The following CNTNAP4 variants were observed in gnomAD, a reference collection of about 807,000 sequenced individuals.
The protein encoded by CNTNAP4 is contactin-associated protein-like 4.
Under a neutral mutation model 148.4 loss-of-function variants are expected in CNTNAP4, and 98 were observed. The observed-to-expected ratio is 0.66, with a 90% confidence interval of 0.56 to 0.78. The LOEUF is 0.78. Ranked by LOEUF, CNTNAP4 falls within the 30% of genes least tolerant of loss-of-function variation. The probability of loss-of-function intolerance (pLI) is 0.00; values close to 1 mark genes in which losing one functional copy is unlikely to be tolerated. For missense variants in CNTNAP4, 1,935 were observed against 1,565.6 expected, an observed-to-expected ratio of 1.24 and a Z score of -3.98; for synonymous variants, 730 against 565.1, an observed-to-expected ratio of 1.29 and a Z score of -4.14.
At chr16:76,449,024 A>G in intron 6 of CNTNAP4, 73 bp downstream of exon 6, 1 of 1,381,232 alleles carries the variant, frequency 7.2e-7, no homozygotes, top group Non-Finnish European at 1.0e-6. Context: ...AGGAAAATAC[A>G]CTATAAAGAG....
chr16:76,404,944 C>G (rs1473430287), intron 3 of CNTNAP4, among the ~76,000 whole-genome samples: 1 of 152,050 alleles, frequency 6.6e-6, no homozygotes, highest in Non-Finnish European at 1.5e-5. Context: ...TTAACTCTTT[C>G]TACAATGTAT....
intron 2 of CNTNAP4, among the ~76,000 whole-genome samples, chr16:76,318,067 G>C (rs1961994115): frequency 1.3e-5 from 2 of 152,114 alleles, no homozygotes; most frequent in African/African-American, 4.8e-5. Context: ...GACCCATCAG[G>C]GGACTTTCCT....
chr16:76,375,283 G>T (rs568316000), intron 3 of CNTNAP4, among the ~76,000 whole-genome samples: 3 of 152,040 alleles, frequency 2.0e-5, no homozygotes, highest in Non-Finnish European at 2.9e-5. Flanking sequence ...TCAGCCAGGC[G>T]TGGTGGCATG....
At chr16:76,441,187 C>G (rs955308804) in intron 4 of CNTNAP4, among the ~76,000 whole-genome samples, 2 of 151,948 alleles carry the variant, frequency 1.3e-5, no homozygotes, top group African/African-American at 2.4e-5. Flanking sequence ...GTGTGTCTTC[C>G]CCAATTGACT....
intron 3 of CNTNAP4, among the ~76,000 whole-genome samples, chr16:76,383,295 CAG>C (rs2016175277): frequency 6.7e-6 from 1 of 148,736 alleles, no homozygotes; most frequent in Non-Finnish European, 1.5e-5. Flanking sequence ...CACATTGAAA[CAG>C]AGACAACAAG....
intron 1 of CNTNAP4, among the ~76,000 whole-genome samples, chr16:76,291,697 C>G (rs1443972416): frequency 6.6e-6 from 1 of 152,162 alleles, no homozygotes; most frequent in African/African-American, 2.4e-5. Flanking sequence ...ACATTCTATG[C>G]TTAGTCAAAA....
Position 76,300,509 on chromosome 16 carries a change from G to A in CNTNAP4, c.86-15904G>A, listed in dbSNP as rs964644269. Reference sequence around the variant, plus strand: ...ACGTGTATACCTATGCAACAAACCTGCACGTTTTGCACATGTATCCCAGAA... The same window carrying A: ...ACGTGTATACCTATGCAACAAACCTACACGTTTTGCACATGTATCCCAGAA... On this transcript the variant is annotated intron_variant, in intron 1 of 23. Transcript: ENST00000611870. Among the ~76,000 whole-genome samples, 5 of 152,244 alleles carry A rather than the reference G, an allele frequency of 3.3e-5. No individual in the cohort carries two copies. The East Asian group carries it at 9.7e-4, about 29-fold the overall frequency.
intron 15 of CNTNAP4, among the ~76,000 whole-genome samples, chr16:76,506,896 C>G (rs1384665275): frequency 1.0e-5 from 1 of 96,628 alleles, no homozygotes; most frequent in Non-Finnish European, 2.9e-5. Context: ...TGCTACCATT[C>G]TGTGAGGAGG....
At chr16:76,370,696 C>T (rs990846786) in intron 3 of CNTNAP4, among the ~76,000 whole-genome samples, 2 of 152,170 alleles carry the variant, frequency 1.3e-5, no homozygotes, top group Non-Finnish European at 2.9e-5. Flanking sequence ...TTACTAACGA[C>T]AAATTGCCTC....
intron 4 of CNTNAP4, among the ~76,000 whole-genome samples, chr16:76,438,457 G>GT (rs1045503936): frequency 6.6e-6 from 1 of 152,094 alleles, no homozygotes; most frequent in Non-Finnish European, 1.5e-5. Flanking sequence ...GAATAGAGAT[G>GT]TTTTTTAAAA....
chr16:76,461,301 C>A, intron 8 of CNTNAP4, among the ~76,000 whole-genome samples: 1 of 152,090 alleles, frequency 6.6e-6, no homozygotes, highest in Non-Finnish European at 1.5e-5. Context: ...GTGGACAGGG[C>A]CGCTTAAGGT....
intron 21 of CNTNAP4, among the ~76,000 whole-genome samples, chr16:76,545,895 C>T (rs1299003991): frequency 6.6e-6 from 1 of 151,868 alleles, no homozygotes; most frequent in Non-Finnish European, 1.5e-5. Context: ...ATTAGCCGGG[C>T]GTGGTAGCAT....
chr16:76,434,286 G>A, intron 4 of CNTNAP4, among the ~76,000 whole-genome samples: 1 of 152,134 alleles, frequency 6.6e-6, no homozygotes, highest in Non-Finnish European at 1.5e-5. Context: ...CAAAGCTGGA[G>A]AGTTTGATAT....
chr16:76,320,652 A>G (rs16944208), intron 2 of CNTNAP4, among the ~76,000 whole-genome samples: 2 of 152,172 alleles, frequency 1.3e-5, no homozygotes, highest in Non-Finnish European at 2.9e-5. Flanking sequence ...TTAAGTGTAC[A>G]TTGACTCTTA....
At chr16:76,448,636 C>G in intron 5 of CNTNAP4, 131 bp from the exon 6 acceptor site, 1 of 620,642 alleles carries the variant, frequency 1.6e-6, no homozygotes, top group Non-Finnish European at 2.7e-6. Flanking sequence ...GAAATGCATC[C>G]TAGTATTTGA....
intron 3 of CNTNAP4, among the ~76,000 whole-genome samples, chr16:76,369,318 T>A (rs7187416): frequency 6.6e-6 from 1 of 152,136 alleles, no homozygotes; most frequent in African/African-American, 2.4e-5. Flanking sequence ...CATGGTATTA[T>A]GGTTACTGCT....
chr16:76,494,624 T>C (rs1361359794), intron 13 of CNTNAP4, among the ~76,000 whole-genome samples: 1 of 152,206 alleles, frequency 6.6e-6, no homozygotes, highest in Non-Finnish European at 1.5e-5. Flanking sequence ...CTGCTCTCAA[T>C]TCATTTTTTA....
intron 10 of CNTNAP4, among the ~76,000 whole-genome samples, chr16:76,470,445 A>C (rs1445262701): frequency 6.9e-6 from 1 of 145,630 alleles, no homozygotes; most frequent in East Asian, 2.0e-4. Flanking sequence ...GTTCAAGACC[A>C]GCCTGGCTAA....
At chr16:76,491,810 C>G (rs938267512) in intron 13 of CNTNAP4, among the ~76,000 whole-genome samples, 1 of 152,080 alleles carries the variant, frequency 6.6e-6, no homozygotes, top group Admixed American at 6.6e-5. Flanking sequence ...CATGTTGTCA[C>G]AAATGGCAGG....
Sources: allele counts gnomAD v4.1 joint callset (sites outside exome capture counted in the v4.1 genomes callset), GRCh38; gene constraint gnomAD v4.1.1; transcripts MANE v1.5; gene names NCBI Gene and HGNC (gene_info 2026-07-23, HGNC 2026-07-21).